ABHD2: variants seen among roughly 807,000 people sequenced by gnomAD.
ABHD2 encodes abhydrolase domain containing 2, acylglycerol lipase, also known as monoacylglycerol lipase ABHD2.
Under a neutral mutation model 48.1 loss-of-function variants are expected in ABHD2, and 20 were observed. The observed-to-expected ratio is 0.42, with a 90% CI of 0.29 to 0.60. The LOEUF (loss-of-function observed/expected upper bound fraction) is 0.60. Among genes scored for constraint, ABHD2 ranks in the 20% least tolerant of loss-of-function variants. The pLI is 0.24. For missense variants in ABHD2, 405 were observed against 550.9 expected (o/e 0.74, Z 2.65); for synonymous variants, 209 against 214.2 (o/e 0.98, Z 0.21).
At chr15:89,115,776 C>A (rs2049950191) in intron 2 of ABHD2, among the ~76,000 whole-genome samples, 1 of 152,074 alleles carries the variant, frequency 6.6e-6, no homozygotes, top group Non-Finnish European at 1.5e-5. Flanking sequence ...GCCTGCTCTG[C>A]AAATAAAGGG....
At chr15:89,133,394 A>G (rs144174496) in intron 3 of ABHD2, among the ~76,000 whole-genome samples, 405 of 152,336 alleles carry the variant, frequency 2.7e-3, no homozygotes, top group Middle Eastern at 0.014. Flanking sequence ...AGTATAGGAT[A>G]AACTCCTAGA....
Position 89,201,579 on chromosome 15 carries a change from G to C in ABHD2, c.*6156G>C. 1.3e-6 allele frequency: 2 copies of C among 1,595,974 alleles called. No homozygotes were observed. Among genetic ancestry groups the C allele is most frequent in the Non-Finnish European group, 1.7e-6 (2 of 1,163,630 alleles). ...AAAGGGCTGTAGCATTACTGAAACA[G>C]TCACAGTTGACCCTGGGTCAATAAT... is the stretch of plus-strand genomic sequence containing the variant. On this transcript the variant is annotated 3_prime_UTR_variant, in exon 11 of 11. Transcript: ENST00000352732.
At chr15:89,183,192 G>A (rs931346493) in intron 6 of ABHD2, 3 of 151,030 alleles carry the variant, frequency 2.0e-5, no homozygotes, top group Non-Finnish European at 2.9e-5. Flanking sequence ...TCTCATGGAA[G>A]TGCTGTTTGT....
chr15:89,054,543 T>C, the ABHD2 span, among the ~76,000 whole-genome samples: 1 of 151,844 alleles, frequency 6.6e-6, no homozygotes, highest in Non-Finnish European at 1.5e-5. Context: ...TAGCCAGGGT[T>C]GGTGGTGCAC....
chr15:89,125,254 C>CA (rs35053074), intron 3 of ABHD2, among the ~76,000 whole-genome samples: 11,388 of 128,418 alleles, frequency 0.089, 909 homozygotes, highest in African/African-American at 0.23. Flanking sequence ...GACTCCATGT[C>CA]AAAAAAAAAA....
the ABHD2 span, among the ~76,000 whole-genome samples, chr15:89,055,051 C>A: frequency 6.6e-6 from 1 of 151,920 alleles, no homozygotes; most frequent in Non-Finnish European, 1.5e-5. Flanking sequence ...CCTAGCAAGA[C>A]CCCATCTCTA....
the ABHD2 span, among the ~76,000 whole-genome samples, chr15:89,051,703 A>G: frequency 6.6e-6 from 1 of 152,202 alleles, no homozygotes. Context: ...GTTCCCCTGC[A>G]GATGCTCTCT....
intron 1 of ABHD2, among the ~76,000 whole-genome samples, chr15:89,107,426 CAGTT>C (rs1390622035): frequency 2.6e-5 from 4 of 152,136 alleles, no homozygotes; most frequent in Admixed American, 2.6e-4. Flanking sequence ...ACTTGTGTGT[CAGTT>C]AGGAAGGAGT....
the ABHD2 span, among the ~76,000 whole-genome samples, chr15:89,042,203 C>T: frequency 6.6e-6 from 1 of 152,184 alleles, no homozygotes; most frequent in Non-Finnish European, 1.5e-5. Context: ...GAACATGCAG[C>T]AGCTGCATAG....
chr15:89,131,978 C>G (rs1310042569), intron 3 of ABHD2, among the ~76,000 whole-genome samples: 1 of 152,032 alleles, frequency 6.6e-6, no homozygotes, highest in Admixed American at 6.5e-5. Context: ...GAATAGTCAT[C>G]TCTCAGGGGC....
chr15:89,044,528 A>G, the ABHD2 span, among the ~76,000 whole-genome samples: 4 of 151,830 alleles, frequency 2.6e-5, no homozygotes, highest in African/African-American at 9.7e-5. Flanking sequence ...CAACAGTGTA[A>G]AAGTGTTCCT....
chr15:89,048,958 G>A, the ABHD2 span, among the ~76,000 whole-genome samples: 2 of 150,102 alleles, frequency 1.3e-5, no homozygotes, highest in East Asian at 1.9e-4. Context: ...GAGGTGAGGC[G>A]CTCTGCTTTT....
intron 1 of ABHD2, among the ~76,000 whole-genome samples, 164 bp from the exon 2 acceptor site, chr15:89,113,561 G>A (rs1336693067): frequency 6.6e-6 from 1 of 152,178 alleles, no homozygotes; most frequent in African/African-American, 2.4e-5. Context: ...TCCCGCAGCA[G>A]GCTTGTTAAA....
chr15:89,099,802 G>T (rs957434292), intron 1 of ABHD2, among the ~76,000 whole-genome samples: 1 of 151,890 alleles, frequency 6.6e-6, no homozygotes, highest in African/African-American at 2.4e-5. Flanking sequence ...TACTCGGGAG[G>T]CTGAGGCATG....
At chr15:89,170,961 C>G (rs541004971) in intron 5 of ABHD2, among the ~76,000 whole-genome samples, 1 of 151,988 alleles carries the variant, frequency 6.6e-6, no homozygotes, top group Admixed American at 6.6e-5. Context: ...ACTAAAAATA[C>G]AAAAATTAGC....
Position 89,189,296 on chromosome 15 carries a change from G to A in ABHD2, c.926+993G>A, listed in dbSNP as rs962982730. On this transcript the variant is annotated intron_variant, in intron 8 of 10. Coordinates refer to ENST00000352732, the MANE Select transcript of ABHD2 (RefSeq NM_152924.5). The surrounding 1 kb of genome is among the most constrained non-coding windows in gnomAD (Gnocchi z 4.9). ...GGCAAGGAGTTTGAGACCAGCCTGG[G>A]CAACATAGCAAGTCCCTGTCTCTAC... Among the ~76,000 whole-genome samples, 1 of 152,058 alleles carries A rather than the reference G, an allele frequency of 6.6e-6. No homozygotes were observed. The highest frequency in any genetic ancestry group is 6.6e-5 in the Admixed American group (1 of 15,264).
chr15:89,188,438 T>C lies in ABHD2; in HGVS notation c.926+135T>C. 1 of 637,368 alleles carries C rather than the reference T, an allele frequency of 1.6e-6. No homozygotes were observed. The highest frequency in any genetic ancestry group is 2.7e-6 in the Non-Finnish European group (1 of 372,528). The allele number at this position is 637,368 out of a possible 1,614,324, so 39.5% of individuals were successfully genotyped here. The stretch of plus-strand genomic sequence containing the variant: ...GGGTGTTTTTTTCCCTTTAAGTAAG[T>C]GTCTAGTGCTTAAAAACAGAAGATT... On this transcript the variant is annotated intron_variant, in intron 8 of 10. Transcript: ENST00000352732. This position sits in a 1 kb window ranked among gnomAD's most constrained non-coding sequence, Gnocchi z 4.1.
In ABHD2 at chr15:89,185,663, C is replaced by G; in HGVS notation, c.815+147C>G. ...GACTCTCTGCTGCCTGCATTTGTGACTTGATTAGAAACAAACTTGTCTTGG... is the reference window on the plus strand; with the variant it reads ...GACTCTCTGCTGCCTGCATTTGTGAGTTGATTAGAAACAAACTTGTCTTGG... On this transcript the variant is annotated intron_variant, in intron 7 of 10. Coordinates refer to ENST00000352732, the MANE Select transcript of ABHD2 (RefSeq NM_152924.5). This position sits in a 1 kb window ranked among gnomAD's most constrained non-coding sequence, Gnocchi z 5.9. 2.6e-6 allele frequency: 2 copies of G among 762,370 alleles called. No individual in the cohort carries two copies. Among genetic ancestry groups the G allele is most frequent in the South Asian group, 3.2e-5 (2 of 61,890 alleles). 47.2% of individuals were successfully genotyped at this position (762,370 alleles called of 1,614,324 possible).
At chr15:89,068,603 G>A in the ABHD2 span, among the ~76,000 whole-genome samples, 13 of 152,034 alleles carry the variant, frequency 8.6e-5, no homozygotes, top group African/African-American at 2.9e-4. Context: ...GGGGTCCAAG[G>A]GAAGGTGTCC....
Sources: allele counts gnomAD v4.1 joint callset (sites outside exome capture counted in the v4.1 genomes callset), GRCh38; gene constraint gnomAD v4.1.1; non-coding constraint Gnocchi (gnomAD v3.1); transcripts MANE v1.5; gene names NCBI Gene and HGNC (gene_info 2026-07-23, HGNC 2026-07-21).